Variants in PDZD9 observed in about 807,000 individuals in gnomAD.
PDZD9 encodes PDZ domain-containing protein 9.
Under a neutral mutation model 16.3 loss-of-function variants are expected in PDZD9, and 13 were observed. That is an observed-to-expected ratio of 0.80 (90% CI 0.52 to 1.27). The LOEUF is 1.27. PDZD9 is among the 50% of genes most tolerant of loss of function. PDZD9 has a pLI of 0.00. For synonymous variants in PDZD9, 120 were observed against 111.0 expected (o/e 1.08, Z -0.51); for missense variants, 288 against 310.9 (o/e 0.93, Z 0.55).
At chr16:21,965,183 T>C in the PDZD9 span, among the ~76,000 whole-genome samples, 1 of 152,224 alleles carries the variant, frequency 6.6e-6, no homozygotes, top group Non-Finnish European at 1.5e-5. Flanking sequence ...GACTCCAGTA[T>C]ATAGAAGCTG....
At position 21,984,486 on chromosome 16, in the gene PDZD9, C is replaced by G; in HGVS notation, c.576G>C (p.Lys192Asn). The change falls in exon 4 of 4, where the codon AAG becomes AAC. Residue 192 changes from lysine (K) to asparagine (N), a missense_variant. By Grantham distance (94) the Lys-to-Asn change is moderately conservative. Coordinates refer to ENST00000424898, the MANE Select transcript of PDZD9 (RefSeq NM_001363519.1). ...CTTTTCCTACACTAATAGTATGGTT[C>G]TTCTTCTTATATCCATGCCAGTCTC... is the stretch of plus-strand genomic sequence containing the variant. ...ISRDWHGYKK[K>N]NHTISVGKDI... The G allele has an allele frequency of 6.2e-7, 1 of 1,611,300 alleles. No homozygotes were observed.
chr16:21,976,213 A>T, the PDZD9 span: 18 of 1,614,020 alleles, frequency 1.1e-5, no homozygotes, highest in Admixed American at 8.3e-5. Flanking sequence ...GCTCAAGGAA[A>T]CCTTTCCAAC....
the PDZD9 span, among the ~76,000 whole-genome samples, chr16:21,964,481 C>T: frequency 1.3e-5 from 2 of 152,146 alleles, no homozygotes; most frequent in South Asian, 2.1e-4. Flanking sequence ...CGTGATCTTA[C>T]CCCAGCCCAC....
At chr16:21,999,094 T>C (rs1032386752) in intron 1 of PDZD9, 1 of 154,226 alleles carries the variant, frequency 6.5e-6, no homozygotes, top group African/African-American at 2.4e-5. Context: ...AGGAGCTGAG[T>C]CAATTAATTT....
chr16:21,988,792 CT>C lies in PDZD9; in HGVS notation c.212-2del. On this transcript the variant is annotated splice_acceptor_variant, in intron 2 of 3. Transcript: ENST00000424898. LOFTEE classifies it high-confidence loss of function. ...TGGCCAACACTAATCAGAACATCAC[CT>C]GAAGAGGGAAAAAATTATGTATCAG... 1 of 1,595,022 alleles carries C rather than the reference CT, an allele frequency of 6.3e-7. No homozygotes were observed. Among genetic ancestry groups the C allele is most frequent in the East Asian group, 2.2e-5 (1 of 44,660 alleles).
At chr16:21,968,689 A>C in the PDZD9 span, 1 of 1,605,230 alleles carries the variant, frequency 6.2e-7, no homozygotes. Context: ...GGACTTGGTA[A>C]GTTTAGAGTA....
At chr16:21,971,637 A>G in the PDZD9 span, 21 of 1,609,564 alleles carry the variant, frequency 1.3e-5, no homozygotes, top group Admixed American at 3.4e-5. Context: ...ATTTCATTCT[A>G]TTAGGGTTAA....
chr16:21,961,371 C>T, the PDZD9 span: 1 of 437,644 alleles, frequency 2.3e-6, no homozygotes, highest in Non-Finnish European at 4.6e-6. Flanking sequence ...GACCACTATA[C>T]AGCCATTACG....
the PDZD9 span, among the ~76,000 whole-genome samples, chr16:21,963,933 G>A: frequency 1.3e-5 from 2 of 151,752 alleles, no homozygotes; most frequent in East Asian, 1.9e-4. Context: ...AATCTTTTTT[G>A]CATTCATATT....
the PDZD9 span, chr16:21,972,014 T>C: frequency 1.9e-6 from 3 of 1,614,180 alleles, no homozygotes; most frequent in Non-Finnish European, 2.5e-6. Context: ...CAAATGCATT[T>C]AGTGTTCTTC....
chr16:21,991,882 A>G (rs1899030505), intron 2 of PDZD9, among the ~76,000 whole-genome samples: 1 of 152,154 alleles, frequency 6.6e-6, no homozygotes, highest in African/African-American at 2.4e-5. Flanking sequence ...CTTCCTCTGT[A>G]TTCAAATCTC....
At chr16:21,980,432 G>A (rs934236311), downstream of PDZD9, 46 of 1,082,286 alleles carry the variant, frequency 4.3e-5, no homozygotes, top group African/African-American at 1.9e-4. Flanking sequence ...AGGGAGACAC[G>A]CTGTTACTCT....
At chr16:21,988,408 G>A (rs1597977168) in intron 3 of PDZD9, among the ~76,000 whole-genome samples, 194 bp downstream of exon 3, 1 of 152,156 alleles carries the variant, frequency 6.6e-6, no homozygotes, top group East Asian at 1.9e-4. Context: ...TTAACTCCAG[G>A]TTGACTTCAT....
At chr16:21,984,965 G>A (rs1376012380) in intron 3 of PDZD9, among the ~76,000 whole-genome samples, 1 of 152,194 alleles carries the variant, frequency 6.6e-6, no homozygotes, top group Non-Finnish European at 1.5e-5. Context: ...TTTCACTGCA[G>A]CTAAAGTGAC....
At chr16:21,961,664 A>ATATATATATATATG in the PDZD9 span, among the ~76,000 whole-genome samples, 4 of 103,986 alleles carry the variant, frequency 3.8e-5, no homozygotes, top group Non-Finnish European at 5.5e-5. Flanking sequence ...ATATATATAT[A>ATATATATATATATG]TATATTTTAG....
chr16:21,988,777 T>C lies in PDZD9; in HGVS notation c.226A>G (p.Ser76Gly), dbSNP rs1159922175. Reference protein sequence around the residue: ...GKLQPGDVLISVGHANVLGYT... With the variant: ...GKLQPGDVLIGVGHANVLGYT... ...CCTAACACATTGGCATGGCCAACAC[T>C]AATCAGAACATCACCTGAAGAGGGA... The change falls in exon 3 of 4, where the codon AGT becomes GGT. Residue 76 changes from serine to glycine, a missense_variant. Ser to Gly is a moderately conservative substitution (Grantham distance 56). Coordinates refer to ENST00000424898, the MANE Select transcript of PDZD9 (RefSeq NM_001363519.1). 2.5e-6 allele frequency: 4 copies of C among 1,609,072 alleles called. No individual in the cohort carries two copies. Among genetic ancestry groups the C allele is most frequent in the Non-Finnish European group, 3.4e-6 (4 of 1,178,960 alleles).
the PDZD9 span, chr16:21,961,320 A>G: frequency 4.5e-6 from 2 of 449,340 alleles, no homozygotes; most frequent in African/African-American, 4.0e-5. Context: ...CTAAGTGTCC[A>G]TCTTTAGGGA....
intron 3 of PDZD9, among the ~76,000 whole-genome samples, chr16:21,986,162 C>T (rs182965305): frequency 5.3e-5 from 8 of 152,220 alleles, no homozygotes; most frequent in Admixed American, 5.2e-4. Flanking sequence ...ATACCCAGTG[C>T]CATTTTCTCC....
the PDZD9 span, among the ~76,000 whole-genome samples, chr16:21,965,151 A>T: frequency 6.6e-6 from 1 of 152,234 alleles, no homozygotes; most frequent in Non-Finnish European, 1.5e-5. Context: ...GCTAGGTTAA[A>T]GTTAGAAAAG....
Sources: gnomAD v4.1 joint callset for allele counts (sites outside exome capture counted in the v4.1 genomes callset) on GRCh38, gnomAD v4.1.1 for gene constraint, MANE v1.5 for transcripts, NCBI Gene and HGNC (gene_info 2026-07-23, HGNC 2026-07-21) for gene names.